AUTS2: variants seen among roughly 807,000 people sequenced by gnomAD.
AUTS2 encodes autism susceptibility gene 2 protein.
Under a neutral mutation model 112.4 loss-of-function variants are expected in AUTS2, and 17 were observed. That is an observed-to-expected ratio of 0.15 (90% CI 0.10 to 0.23). The LOEUF (loss-of-function observed/expected upper bound fraction) is 0.23, where lower values mean the gene tolerates loss of function less well. Among genes scored for constraint, AUTS2 ranks in the 10% least tolerant of loss-of-function variants. AUTS2 has a pLI of 1.00. For synonymous variants in AUTS2, 751 were observed against 702.7 expected, an observed-to-expected ratio of 1.07 and a Z score of -1.09; for missense variants, 1,510 against 1,701.6, an observed-to-expected ratio of 0.89 and a Z score of 1.98.
intron 4 of AUTS2, among the ~76,000 whole-genome samples, chr7:70,383,959 C>G (rs1585083666): frequency 1.3e-5 from 2 of 152,356 alleles, no homozygotes; most frequent in South Asian, 2.1e-4. Context: ...CAGAAGTCAT[C>G]CCCTAGCCAA....
intron 2 of AUTS2, among the ~76,000 whole-genome samples, chr7:70,096,945 C>G (rs1369886652): frequency 6.6e-6 from 1 of 152,194 alleles, no homozygotes; most frequent in Non-Finnish European, 1.5e-5. Context: ...AGCATTTACA[C>G]CAAGCTTTGC....
At chr7:69,855,479 A>G (rs1792679405) in intron 1 of AUTS2, among the ~76,000 whole-genome samples, 1 of 152,122 alleles carries the variant, frequency 6.6e-6, no homozygotes, top group Non-Finnish European at 1.5e-5. Flanking sequence ...TTGTTACTGT[A>G]TCCTCTGGAC....
intron 4 of AUTS2, among the ~76,000 whole-genome samples, chr7:70,245,144 G>GTATATATATATATATATATATATATATA (rs71077638): frequency 9.2e-6 from 1 of 108,998 alleles, no homozygotes; most frequent in African/African-American, 4.2e-5. Flanking sequence ...GTGTGTGTGT[G>GTATATATATATATATATATATATATATA]TATATATATA....
chr7:70,010,151 A>T (rs1393858949), intron 2 of AUTS2, among the ~76,000 whole-genome samples: 1 of 151,770 alleles, frequency 6.6e-6, no homozygotes, highest in Non-Finnish European at 1.5e-5. Flanking sequence ...TTTTTTTTTA[A>T]TTAATTTTTT....
chr7:69,870,002 T>A (rs990417794), intron 1 of AUTS2, among the ~76,000 whole-genome samples: 2 of 152,184 alleles, frequency 1.3e-5, no homozygotes, highest in African/African-American at 4.8e-5. Flanking sequence ...AATTCCTAAT[T>A]GTCCCAGTTT....
At chr7:70,700,443 G>C (rs1809388194) in intron 6 of AUTS2, among the ~76,000 whole-genome samples, 1 of 152,102 alleles carries the variant, frequency 6.6e-6, no homozygotes, top group Admixed American at 6.5e-5. Context: ...CATCAAAATG[G>C]CCTTTCTTTT....
chr7:69,892,317 G>A (rs567830203), intron 1 of AUTS2, among the ~76,000 whole-genome samples: 4 of 151,570 alleles, frequency 2.6e-5, no homozygotes, highest in South Asian at 4.2e-4. Flanking sequence ...GACTATAGGC[G>A]CGTACCACCA....
At chr7:70,438,817 G>A (rs1740183289) in intron 5 of AUTS2, among the ~76,000 whole-genome samples, 1 of 152,166 alleles carries the variant, frequency 6.6e-6, no homozygotes, top group Non-Finnish European at 1.5e-5. Flanking sequence ...TGGAAAAGAT[G>A]CCACTCAGTG....
chr7:70,600,630 G>A (rs934506563), intron 5 of AUTS2, among the ~76,000 whole-genome samples: 5 of 151,996 alleles, frequency 3.3e-5, no homozygotes, highest in Admixed American at 6.6e-5. Context: ...TGCAACCCTC[G>A]CCTTTACTTC....
At position 70,631,714 on chromosome 7, in the gene AUTS2, T is replaced by C. The variant is rs796071419; in HGVS notation, c.691-66855T>C. 2.1e-4 allele frequency among the ~76,000 whole-genome samples: 32 copies of C among 152,242 alleles called. No homozygotes were observed. Among genetic ancestry groups the C allele is most frequent in the African/African-American group, 7.0e-4 (29 of 41,576 alleles). The stretch of plus-strand genomic sequence containing the variant: ...ATTTATAGCCCCATGTCCCCAACCT[T>C]AGCCTTTGCACGGTTGGCTGGGCCA... On this transcript the variant is annotated intron_variant, in intron 5 of 18. Transcript: ENST00000342771. This position sits in a 1 kb window ranked among gnomAD's most constrained non-coding sequence, Gnocchi z 4.5.
intron 2 of AUTS2, among the ~76,000 whole-genome samples, chr7:69,978,895 C>T (rs1215448320): frequency 2.1e-5 from 3 of 146,166 alleles, no homozygotes; most frequent in Non-Finnish European, 4.6e-5. Context: ...CACACACACA[C>T]ACACACGCAC....
chr7:70,701,350 G>T lies in AUTS2; in HGVS notation c.742+2730G>T, dbSNP rs141427692. Among the ~76,000 whole-genome samples, 7 of 152,336 alleles carry T rather than the reference G, an allele frequency of 4.6e-5. No homozygotes were observed. The East Asian group carries it at 1.2e-3, about 25-fold the overall frequency. ...GCTCGAGGCCCATCAGTCAGCTTGT[G>T]AGCTTGAATAAGTCATTTACCCTCT... On this transcript the variant is annotated intron_variant, in intron 6 of 18. Coordinates refer to ENST00000342771, the MANE Select transcript of AUTS2 (RefSeq NM_015570.4).
chr7:70,159,196 T>C (rs1807947970), intron 4 of AUTS2, among the ~76,000 whole-genome samples: 2 of 152,194 alleles, frequency 1.3e-5, no homozygotes, highest in African/African-American at 4.8e-5. Context: ...GATTATGATA[T>C]GGCGCATTTA....
At chr7:70,423,754 T>A (rs904881340) in intron 4 of AUTS2, among the ~76,000 whole-genome samples, 7 of 152,328 alleles carry the variant, frequency 4.6e-5, no homozygotes, top group Non-Finnish European at 7.4e-5. Context: ...TTCTTCTTGT[T>A]GCTCACTTCG....
intron 1 of AUTS2, among the ~76,000 whole-genome samples, chr7:69,883,661 A>G (rs1336357952): frequency 6.6e-6 from 1 of 152,162 alleles, no homozygotes; most frequent in East Asian, 1.9e-4. Flanking sequence ...ACATGCTGCC[A>G]TCCAAGGCCC....
intron 4 of AUTS2, among the ~76,000 whole-genome samples, chr7:70,171,913 G>GA (rs1808719014): frequency 6.6e-6 from 1 of 151,182 alleles, no homozygotes; most frequent in South Asian, 2.1e-4. Flanking sequence ...TTTGGGGGGG[G>GA]GTAGTTTTTC....
intron 2 of AUTS2, among the ~76,000 whole-genome samples, chr7:70,005,248 T>A (rs2129553495): frequency 6.6e-6 from 1 of 152,228 alleles, no homozygotes; most frequent in African/African-American, 2.4e-5. Flanking sequence ...ATGGGTGACC[T>A]GGTTTGGATT....
intron 4 of AUTS2, among the ~76,000 whole-genome samples, chr7:70,390,515 GTTAC>G (rs1249041429): frequency 1.3e-5 from 2 of 152,060 alleles, no homozygotes; most frequent in Non-Finnish European, 2.9e-5. Flanking sequence ...GTGAACTAGT[GTTAC>G]TTTGAGAATA....
chr7:69,654,557 C>T (rs1314092015), intron 1 of AUTS2, among the ~76,000 whole-genome samples: 1 of 152,140 alleles, frequency 6.6e-6, no homozygotes, highest in African/African-American at 2.4e-5. Flanking sequence ...AGTTGATGCT[C>T]AGGGAGGTTC....
Sources: gnomAD v4.1 joint callset for allele counts (sites outside exome capture counted in the v4.1 genomes callset) on GRCh38, gnomAD v4.1.1 for gene constraint, Gnocchi (gnomAD v3.1) non-coding constraint, MANE v1.5 for transcripts, NCBI Gene and HGNC (gene_info 2026-07-23, HGNC 2026-07-21) for gene names.